The following DPY19L4 variants were observed in gnomAD, a reference collection of about 807,000 sequenced individuals.
The protein encoded by DPY19L4 is dpy-19 like 4, also known as probable C-mannosyltransferase DPY19L4.
Under a neutral mutation model 102.8 loss-of-function variants are expected in DPY19L4, and 97 were observed. The ratio of observed to expected loss-of-function variants is 0.94; its 90% confidence interval spans 0.80 to 1.12. The LOEUF (loss-of-function observed/expected upper bound fraction) is 1.12, where lower values mean the gene tolerates loss of function less well. Ranked by LOEUF, DPY19L4 falls within the 50% of genes most tolerant of loss-of-function variation. The probability of loss-of-function intolerance (pLI) is 0.00; values close to 1 mark genes in which losing one functional copy is unlikely to be tolerated. For missense variants in DPY19L4, 815 were observed against 850.4 expected (o/e 0.96, Z 0.52); for synonymous variants, 252 against 283.1 (o/e 0.89, Z 1.10).
intron 8 of DPY19L4, among the ~76,000 whole-genome samples, chr8:94,764,854 G>A (rs1812598228): frequency 6.9e-6 from 1 of 145,830 alleles, no homozygotes; most frequent in Non-Finnish European, 1.5e-5. Context: ...TCAGCCTCCC[G>A]AGTGGCTGGG....
At chr8:94,738,134 C>T (rs1248579057) in intron 3 of DPY19L4, among the ~76,000 whole-genome samples, 1 of 151,316 alleles carries the variant, frequency 6.6e-6, no homozygotes, top group Admixed American at 6.6e-5. Flanking sequence ...CTGACTAACA[C>T]GGTGAAACCC....
At chr8:94,767,554 A>T (rs1812734216) in intron 11 of DPY19L4, among the ~76,000 whole-genome samples, 2 of 152,126 alleles carry the variant, frequency 1.3e-5, no homozygotes, top group Non-Finnish European at 2.9e-5. Context: ...GGCCTCCCAA[A>T]GTGCTGGGAT....
chr8:94,769,688 T>TA (rs1168889584), intron 12 of DPY19L4, among the ~76,000 whole-genome samples: 3 of 150,796 alleles, frequency 2.0e-5, no homozygotes, highest in African/African-American at 7.4e-5. Context: ...CCCCGTCTCT[T>TA]AAAGAAAAAG....
chr8:94,741,361 C>T (rs1811437733), intron 6 of DPY19L4, among the ~76,000 whole-genome samples: 1 of 152,040 alleles, frequency 6.6e-6, no homozygotes, highest in Non-Finnish European at 1.5e-5. Context: ...GTAACCTTTG[C>T]CTTAAAGTAG....
Position 94,734,652 on chromosome 8 carries a change from A to C in DPY19L4, c.150A>C (p.Ala50=). 1 of 1,613,970 alleles carries C rather than the reference A, an allele frequency of 6.2e-7. No homozygotes were observed. Among genetic ancestry groups the C allele is most frequent in the Non-Finnish European group, 8.5e-7 (1 of 1,179,956 alleles). Residue 50 remains alanine (A), a synonymous_variant, in exon 3 of 19, where the codon GCA becomes GCC. Transcript: ENST00000414645. Reference sequence around the variant, plus strand: ...CAGATGTATTATTTCAACGCTTTGCAAAGATTTTCATTGGCTGTCTTGCAG... The same window carrying C: ...CAGATGTATTATTTCAACGCTTTGCCAAGATTTTCATTGGCTGTCTTGCAG... The part of the protein sequence containing the change: ...APKHVLFQRF[A]KIFIGCLAAV...
intron 13 of DPY19L4, among the ~76,000 whole-genome samples, chr8:94,776,513 A>AG (rs908148902): frequency 6.6e-6 from 1 of 151,992 alleles, no homozygotes; most frequent in Non-Finnish European, 1.5e-5. Context: ...ATTAAAAAAA[A>AG]AAAAGCAAAA....
chr8:94,759,459 T>G (rs1413049395), intron 7 of DPY19L4, among the ~76,000 whole-genome samples: 3 of 150,944 alleles, frequency 2.0e-5, no homozygotes, highest in Non-Finnish European at 2.9e-5. Flanking sequence ...TCAAAAGCGC[T>G]GAGATTACTG....
At chr8:94,739,353 A>T (rs1586331071) in intron 4 of DPY19L4, 60 bp from the exon 5 acceptor site, 1 of 1,480,626 alleles carries the variant, frequency 6.8e-7, no homozygotes, top group African/African-American at 1.4e-5. Flanking sequence ...AGGACTAATG[A>T]CATGTTTAAT....
intron 7 of DPY19L4, among the ~76,000 whole-genome samples, chr8:94,757,367 C>G (rs1451166582): frequency 3.3e-5 from 5 of 152,088 alleles, no homozygotes; most frequent in African/African-American, 1.2e-4. Flanking sequence ...TTGTGATCTT[C>G]CTTTATGTTG....
intron 6 of DPY19L4, among the ~76,000 whole-genome samples, chr8:94,748,493 T>C (rs1811775365): frequency 1.3e-5 from 2 of 152,026 alleles, no homozygotes; most frequent in South Asian, 4.1e-4. Flanking sequence ...GGGATAATAT[T>C]ATATGAAAAT....
chr8:94,768,030 C>G lies in DPY19L4; in HGVS notation c.1176-365C>G, dbSNP rs936197818. ...TCAGCTGTTTAAAAACTGCATGTCT[C>G]TAGTAGCTACCATATTCAACAATGC... On this transcript the variant is annotated intron_variant, in intron 11 of 18. Transcript: ENST00000414645. Among the ~76,000 whole-genome samples the G allele has an allele frequency of 6.6e-5, 10 of 152,200 alleles. No individual in the cohort carries two copies. In the East Asian group the frequency reaches 9.6e-4, roughly 15 times the overall value.
At chr8:94,751,499 A>G (rs1811927590) in intron 6 of DPY19L4, among the ~76,000 whole-genome samples, 1 of 138,760 alleles carries the variant, frequency 7.2e-6, no homozygotes, top group South Asian at 2.3e-4. Flanking sequence ...TTATTTATTT[A>G]TTTATTTTTT....
At chr8:94,720,282 C>T (rs1417179236) in intron 1 of DPY19L4, 3 of 983,844 alleles carry the variant, frequency 3.0e-6, no homozygotes, top group African/African-American at 1.7e-5. Flanking sequence ...AAAGCTGTGC[C>T]GGGAGTGGTT....
At chr8:94,731,242 A>G (rs1156444131) in intron 2 of DPY19L4, among the ~76,000 whole-genome samples, 48 of 152,088 alleles carry the variant, frequency 3.2e-4, no homozygotes, top group Non-Finnish European at 5.9e-5. Flanking sequence ...CTGCCACCCT[A>G]GATTACTTTT....
At chr8:94,720,410 A>T (rs755496519) in intron 1 of DPY19L4, among the ~76,000 whole-genome samples, 1 of 152,140 alleles carries the variant, frequency 6.6e-6, no homozygotes, top group Non-Finnish European at 1.5e-5. Context: ...AGGGCTGTGG[A>T]TATTGACAAA....
intron 7 of DPY19L4, among the ~76,000 whole-genome samples, chr8:94,757,656 C>T (rs1812219233): frequency 6.6e-6 from 1 of 152,042 alleles, no homozygotes; most frequent in African/African-American, 2.4e-5. Context: ...ATGATCCACC[C>T]GCCTCAGCCT....
chr8:94,780,372 G>A lies in DPY19L4; in HGVS notation c.1589G>A (p.Ser530Asn), dbSNP rs1813375346. The change falls in exon 15 of 19, where the codon AGC becomes AAC. Residue 530 changes from serine (S) to asparagine (N), a missense_variant. Physicochemically the swap from Ser to Asn is conservative, Grantham distance 46 (BLOSUM62 1). Transcript: ENST00000414645. ...TTAATATTTTAGGCTCTTATTCTGA[G>A]CATGGCCGTGCCTACTATAATAGGT... ...VHPILLALIL[S>N]MAVPTIIGLS... The A allele has an allele frequency of 1.3e-6, 2 of 1,484,334 alleles. No individual in the cohort carries two copies. The highest frequency in any genetic ancestry group is 2.3e-5 in the East Asian group (1 of 42,864). 91.9% of individuals were successfully genotyped at this position (1,484,334 alleles called of 1,614,324 possible). A position where few individuals can be genotyped will look rare whatever the true frequency, so the allele number is the denominator to read the frequency against.
intron 7 of DPY19L4, among the ~76,000 whole-genome samples, chr8:94,757,280 T>C (rs1481260648): frequency 6.6e-6 from 1 of 152,236 alleles, no homozygotes; most frequent in Non-Finnish European, 1.5e-5. Context: ...GTCCTGAGCA[T>C]AGCAAACTTT....
Position 94,733,831 on chromosome 8 carries a change from C to T in DPY19L4, c.128-799C>T, listed in dbSNP as rs781289419. Among the ~76,000 whole-genome samples the T allele has an allele frequency of 3.9e-5, 6 of 152,226 alleles. No individual in the cohort carries two copies. The South Asian group carries it at 6.2e-4, about 16-fold the overall frequency. Reference sequence around the variant, plus strand: ...TGGCGGGATTACAGACGTGAGCTACCGCGCCCGGCCTATACTTTAATTTTT... The same window carrying T: ...TGGCGGGATTACAGACGTGAGCTACTGCGCCCGGCCTATACTTTAATTTTT... On this transcript the variant is annotated intron_variant, in intron 2 of 18. Coordinates refer to ENST00000414645, the MANE Select transcript of DPY19L4 (RefSeq NM_181787.3).
Sources: gnomAD v4.1 joint callset for allele counts (sites outside exome capture counted in the v4.1 genomes callset) on GRCh38, gnomAD v4.1.1 for gene constraint, MANE v1.5 for transcripts, NCBI Gene and HGNC (gene_info 2026-07-23, HGNC 2026-07-21) for gene names.